Variants in EML1 observed in about 807,000 individuals in gnomAD.
EML1 encodes EMAP like 1.
In EML1, 27 loss-of-function variants were observed where a neutral mutation model predicts 110.4. That is an observed-to-expected ratio of 0.24 (90% confidence interval 0.18 to 0.34). The LOEUF (loss-of-function observed/expected upper bound fraction) is 0.34. Among genes scored for constraint, EML1 ranks in the 10% least tolerant of loss-of-function variants. The pLI, the probability that EML1 is intolerant of heterozygous loss-of-function variation, is 1.00. For missense variants in EML1, 741 were observed against 1,030.9 expected (o/e 0.72, Z 3.85); for synonymous variants, 344 against 385.8 (o/e 0.89, Z 1.27).
At chr14:99,785,756 G>A (rs1432931677) in intron 1 of EML1, among the ~76,000 whole-genome samples, 2 of 152,052 alleles carry the variant, frequency 1.3e-5, no homozygotes, top group African/African-American at 4.8e-5. Context: ...AATTTACAAA[G>A]CAACGGAGAG....
intron 1 of EML1, among the ~76,000 whole-genome samples, chr14:99,815,729 CTT>C (rs2058156620): frequency 6.6e-6 from 1 of 152,082 alleles, no homozygotes; most frequent in African/African-American, 2.4e-5. Context: ...CTGAGTTACT[CTT>C]TGTTGGGTTT....
At chr14:99,755,170 G>A (rs974413564) in intron 1 of EML1, among the ~76,000 whole-genome samples, 1 of 152,234 alleles carries the variant, frequency 6.6e-6, no homozygotes, top group Admixed American at 6.5e-5. Flanking sequence ...GCAACCAAAG[G>A]GTGGCATGAA....
At chr14:99,743,012 G>T (rs898955577) in intron 1 of EML1, among the ~76,000 whole-genome samples, 3 of 152,168 alleles carry the variant, frequency 2.0e-5, no homozygotes, top group Admixed American at 6.5e-5. Context: ...GAGAGGCTGG[G>T]CACCGGGTGG....
chr14:99,844,602 T>C (rs1015605301), intron 1 of EML1, among the ~76,000 whole-genome samples: 2 of 152,244 alleles, frequency 1.3e-5, no homozygotes, highest in African/African-American at 2.4e-5. Context: ...TAATTCTATG[T>C]GTTTTAACAA....
rs564857919 is a variant in EML1 at position 99,890,536 on chromosome 14, A to G, written c.519-663A>G. ...GAGGTGCTTGCTCCTAGGGATGTCC[A>G]GTCTGCCTGCGGCTGTCTGTCCTTA... On this transcript the variant is annotated intron_variant, in intron 4 of 21. Transcript: ENST00000262233. Among the ~76,000 whole-genome samples the G allele has an allele frequency of 1.1e-4, 17 of 152,262 alleles. No homozygotes were observed. The East Asian group carries it at 3.3e-3, about 29-fold the overall frequency.
At chr14:99,927,787 G>A (rs1209523351) in intron 17 of EML1, among the ~76,000 whole-genome samples, 1 of 78,270 alleles carries the variant, frequency 1.3e-5, no homozygotes, top group Non-Finnish European at 2.5e-5. Context: ...GGTAGTGGTG[G>A]TGGTATTGGT....
chr14:99,743,055 C>A lies in EML1; in HGVS notation c.28+5195C>A, dbSNP rs1480434797. ...CAGGAGGAATCCGCAGTTGGGAAGT[C>A]CCCCTTCAGTGCCCCTCACGGCGCC... On this transcript the variant is annotated intron_variant, in intron 1 of 10. Transcript: ENST00000554479. 2.6e-5 allele frequency among the ~76,000 whole-genome samples: 4 copies of A among 152,142 alleles called. No homozygotes were observed. In the East Asian group the frequency reaches 7.7e-4, roughly 29 times the overall value.
intron 1 of EML1, among the ~76,000 whole-genome samples, chr14:99,741,373 C>G (rs1363258746): frequency 1.3e-5 from 2 of 151,964 alleles, no homozygotes; most frequent in Non-Finnish European, 2.9e-5. Context: ...GGAAGTTGTT[C>G]CCCCGTCTTT....
intron 15 of EML1, 41 bp downstream of exon 15, chr14:99,914,738 T>C (rs2060005400): frequency 1.3e-6 from 2 of 1,570,458 alleles, no homozygotes; most frequent in South Asian, 2.4e-5. Flanking sequence ...TTACAGAAAT[T>C]CATCTGGAAC....
chr14:99,857,014 G>A (rs57643609), intron 2 of EML1, among the ~76,000 whole-genome samples: 6,725 of 152,286 alleles, frequency 0.044, 245 homozygotes, highest in East Asian at 0.18. Context: ...GCTCATGCCT[G>A]TAATCCCAGC....
intron 1 of EML1, among the ~76,000 whole-genome samples, chr14:99,839,506 C>T (rs907611558): frequency 6.6e-6 from 1 of 152,160 alleles, no homozygotes; most frequent in African/African-American, 2.4e-5. Flanking sequence ...TCCATGTCAT[C>T]CAAGGTAAAC....
intron 1 of EML1, among the ~76,000 whole-genome samples, chr14:99,739,830 C>T (rs1047018967): frequency 6.6e-6 from 1 of 152,142 alleles, no homozygotes; most frequent in Admixed American, 6.5e-5. Flanking sequence ...AAGGACACTG[C>T]TCTGAAATAT....
intron 1 of EML1, among the ~76,000 whole-genome samples, chr14:99,843,642 G>T (rs2058666257): frequency 6.6e-6 from 1 of 152,212 alleles, no homozygotes; most frequent in African/African-American, 2.4e-5. Context: ...GCTGGGATTT[G>T]AACCCAGGTA....
chr14:99,936,002 G>A lies in EML1; in HGVS notation c.1910-27G>A. ...AACAAAATGTGTATTGTTAACATCTGAAATGTAATTTGTCATCTTTTTATA... is the reference window on the plus strand; with the variant it reads ...AACAAAATGTGTATTGTTAACATCTAAAATGTAATTTGTCATCTTTTTATA... On this transcript the variant is annotated intron_variant, in intron 17 of 21. Transcript: ENST00000262233. This position sits in a 1 kb window ranked among gnomAD's most constrained non-coding sequence, Gnocchi z 5.5. 1 of 1,606,938 alleles carries A rather than the reference G, an allele frequency of 6.2e-7. No individual in the cohort carries two copies. The highest frequency in any genetic ancestry group is 8.5e-7 in the Non-Finnish European group (1 of 1,173,748).
chr14:99,872,323 G>A (rs985234971), intron 3 of EML1, among the ~76,000 whole-genome samples: 1 of 152,162 alleles, frequency 6.6e-6, no homozygotes, highest in African/African-American at 2.4e-5. Context: ...GAGCAAGACA[G>A]GAAGGAGTGA....
At chr14:99,797,419 C>T (rs1294183179) in intron 1 of EML1, among the ~76,000 whole-genome samples, 1 of 152,104 alleles carries the variant, frequency 6.6e-6, no homozygotes, top group African/African-American at 2.4e-5. Context: ...CTCACATGCA[C>T]ATTTTTGTGT....
intron 1 of EML1, among the ~76,000 whole-genome samples, chr14:99,824,198 G>A (rs145498165): frequency 0.031 from 4,718 of 152,218 alleles, 96 homozygotes; most frequent in Non-Finnish European, 0.041. Flanking sequence ...GACCTCAGGC[G>A]ATCCACCCGC....
At chr14:99,792,896 C>A (rs546868921), upstream of EML1, 16 of 152,358 alleles carry the variant, frequency 1.1e-4, no homozygotes, top group African/African-American at 3.6e-4. Context: ...GTGGAAACGG[C>A]CGAAATGTGC....
chr14:99,921,624 G>A (rs754734040), intron 17 of EML1, among the ~76,000 whole-genome samples: 15 of 152,082 alleles, frequency 9.9e-5, no homozygotes, highest in South Asian at 2.1e-4. Flanking sequence ...AGTTTCCTGC[G>A]TCTGGAGCCC....
Sources: gnomAD v4.1 joint callset for allele counts (sites outside exome capture counted in the v4.1 genomes callset) on GRCh38, gnomAD v4.1.1 for gene constraint, Gnocchi (gnomAD v3.1) non-coding constraint, MANE v1.5 for transcripts, NCBI Gene and HGNC (gene_info 2026-07-23, HGNC 2026-07-21) for gene names.